ZNF135: variants seen among roughly 807,000 people sequenced by gnomAD.
The protein encoded by ZNF135 is zinc finger protein 135 (clone pHZ-17).
In ZNF135, 11 loss-of-function variants were observed where a neutral mutation model predicts 12.3. The observed-to-expected ratio is 0.89, with a 90% CI of 0.56 to 1.48. ZNF135 has a LOEUF of 1.48. ZNF135 is among the 40% of genes most tolerant of loss of function. The probability of loss-of-function intolerance (pLI) is 0.00; values close to 1 mark genes in which losing one functional copy is unlikely to be tolerated. For missense variants in ZNF135, 722 were observed against 815.7 expected (o/e 0.89, Z 1.40); for synonymous variants, 316 against 312.0 (o/e 1.01, Z -0.14).
chr19:58,066,354 TG>T (rs1407896934), intron 4 of ZNF135, among the ~76,000 whole-genome samples: 1 of 152,190 alleles, frequency 6.6e-6, no homozygotes, highest in Non-Finnish European at 1.5e-5. Flanking sequence ...AGCTGGAGCC[TG>T]GGTGCCACAC....
intron 4 of ZNF135, among the ~76,000 whole-genome samples, chr19:58,064,717 A>AC (rs1398171001): frequency 2.0e-5 from 1 of 49,224 alleles, no homozygotes; most frequent in African/African-American, 6.9e-5. Context: ...CCGTCTCTAC[A>AC]AAAAAAAAAT....
At position 58,066,580 on chromosome 19, in the gene ZNF135, C is replaced by T. The variant is rs564363579; in HGVS notation, c.257-161C>T. ...TCCTTATTCTGTGTTTCCCTCTCTTCCTTTCCTGGTTTGCAAAACTATATT... is the reference window on the plus strand; with the variant it reads ...TCCTTATTCTGTGTTTCCCTCTCTTTCTTTCCTGGTTTGCAAAACTATATT... On this transcript the variant is annotated intron_variant, in intron 4 of 4. Transcript: ENST00000313434. 100 of 898,974 alleles carry T rather than the reference C, an allele frequency of 1.1e-4. 1 individual carries two copies. The South Asian group carries it at 1.8e-3, about 16-fold the overall frequency. The allele number at this position is 898,974 out of a possible 1,614,324, so 55.7% of individuals were successfully genotyped here.
chr19:58,064,296 GCTC>G (rs1015523598), intron 4 of ZNF135, among the ~76,000 whole-genome samples: 3 of 152,028 alleles, frequency 2.0e-5, no homozygotes, highest in African/African-American at 7.2e-5. Flanking sequence ...GCTTCCTATT[GCTC>G]CTCCTGCAAC....
rs771815130 is a variant in ZNF135 at position 58,067,041 on chromosome 19, GC to G, written c.562del (p.His188ThrfsTer14). On this transcript the variant is annotated frameshift_variant, in exon 5 of 5. Coordinates refer to ENST00000313434, the MANE Select transcript of ZNF135 (RefSeq NM_001289401.2). LOFTEE classifies it low-confidence loss of function (END_TRUNC). ...CAACCAATGACTCCTGAAAGACAAA[GC>G]CCCCACACATGGGGAACACGTGGAA... ...PHQPMTPERQ[S>X]PHTWGTRGKR... The G allele has an allele frequency of 1.3e-5, 21 of 1,614,048 alleles. No homozygotes were observed. The South Asian group carries it at 2.2e-4, about 17-fold the overall frequency.
Position 58,063,480 on chromosome 19 carries a change from G to A in ZNF135, c.195G>A (p.Leu65=), listed in dbSNP as rs748538471. 1.2e-6 allele frequency: 2 copies of A among 1,614,162 alleles called. No individual in the cohort carries two copies. Among genetic ancestry groups the A allele is most frequent in the Non-Finnish European group, 1.7e-6 (2 of 1,180,004 alleles). ...TACCGAAGCCGAATGTCATCTCCCT[G>A]CTGGAGCAAGAGGCAGAGCTGTGGG... ...HWLPKPNVIS[L]LEQEAELWAV... is the part of the protein sequence containing the mutation. The change falls in exon 4 of 5, where the codon CTG becomes CTA. Residue 65 remains leucine (L), a synonymous_variant. Coordinates refer to ENST00000313434, the MANE Select transcript of ZNF135 (RefSeq NM_001289401.2). The surrounding 1 kb of genome is among the most constrained non-coding windows in gnomAD (Gnocchi z 4.4).
In ZNF135 at chr19:58,066,046, G is replaced by A. The variant is rs60715706; in HGVS notation, c.257-695G>A. ...CATGTATATTGAGCTCTTGCTGTGG[G>A]CTATAGATACAGTGGTAAGCAAGGT... is the stretch of plus-strand genomic sequence containing the variant. On this transcript the variant is annotated intron_variant, in intron 4 of 4. Coordinates refer to ENST00000313434, the MANE Select transcript of ZNF135 (RefSeq NM_001289401.2). Among the ~76,000 whole-genome samples the A allele has an allele frequency of 5.2e-3, 793 of 152,268 alleles. 10 individuals are homozygous for A. The highest frequency in any genetic ancestry group is 0.016 in the African/African-American group (665 of 41,542).
At chr19:58,062,471 C>T (rs1355035922) in intron 3 of ZNF135, among the ~76,000 whole-genome samples, 6 of 152,158 alleles carry the variant, frequency 3.9e-5, no homozygotes, top group East Asian at 1.9e-4. Flanking sequence ...CAAGCTCTGC[C>T]TCCCGGGTTC....
chr19:58,061,737 TC>T (rs2073986430), intron 3 of ZNF135, 31 bp downstream of exon 3: 44 of 1,589,948 alleles, frequency 2.8e-5, no homozygotes, highest in Non-Finnish European at 3.7e-5. Flanking sequence ...TATCTGTTGA[TC>T]TGTCCCTGAC....
At position 58,059,346 on chromosome 19, in the gene ZNF135, A is replaced by AGGCCAGGCCG. The variant is rs146738840; in HGVS notation, c.-35+40_-35+41insAGGCCGGGCC. The AGGCCAGGCCG allele has an allele frequency of 2.5e-5, 19 of 745,308 alleles. No homozygotes were observed. Among genetic ancestry groups the AGGCCAGGCCG allele is most frequent in the Admixed American group, 1.2e-4 (3 of 25,048 alleles). The allele number at this position is 745,308 out of a possible 1,614,324, so 46.2% of individuals were successfully genotyped here. A position where few individuals can be genotyped will look rare whatever the true frequency, so the allele number is the denominator to read the frequency against. The stretch of plus-strand genomic sequence containing the variant: ...CCGGCGAGGAGGGGGAGGGGAGGCC[A>AGGCCAGGCCG]GGCCGGGCCGGGCCGGGCCGGGTGC... On this transcript the variant is annotated intron_variant, in intron 1 of 4. Transcript: ENST00000313434. The surrounding 1 kb of genome is among the most constrained non-coding windows in gnomAD (Gnocchi z 6.5).
rs2073935466 is a variant in ZNF135 at position 58,059,761 on chromosome 19, C to G, written c.-34-208C>G. On this transcript the variant is annotated intron_variant, in intron 1 of 4. Coordinates refer to ENST00000313434, the MANE Select transcript of ZNF135 (RefSeq NM_001289401.2). This position sits in a 1 kb window ranked among gnomAD's most constrained non-coding sequence, Gnocchi z 6.5. Reference sequence around the variant, plus strand: ...CAGATATGTGTCCGCACCCGCCAGGCCTTCAGCTTCCCTCAGACAGGCGGG... The same window carrying G: ...CAGATATGTGTCCGCACCCGCCAGGGCTTCAGCTTCCCTCAGACAGGCGGG... The G allele has an allele frequency of 1.6e-6, 1 of 616,714 alleles. No individual in the cohort carries two copies. Among genetic ancestry groups the G allele is most frequent in the Non-Finnish European group, 2.8e-6 (1 of 359,264 alleles). The allele number at this position is 616,714 out of a possible 1,614,324, so 38.2% of individuals were successfully genotyped here.
At position 58,059,346 on chromosome 19, in the gene ZNF135, A is replaced by AGGTCG. The variant is rs72265616; in HGVS notation, c.-35+38_-35+39insTCGGG. 2.7e-6 allele frequency: 2 copies of AGGTCG among 744,990 alleles called. No individual in the cohort carries two copies. The highest frequency in any genetic ancestry group is 1.8e-6 in the Non-Finnish European group (1 of 547,500). The allele number at this position is 744,990 out of a possible 1,614,324, so 46.1% of individuals were successfully genotyped here. ...CCGGCGAGGAGGGGGAGGGGAGGCC[A>AGGTCG]GGCCGGGCCGGGCCGGGCCGGGTGC... On this transcript the variant is annotated intron_variant, in intron 1 of 4. Transcript: ENST00000313434. The surrounding 1 kb of genome is among the most constrained non-coding windows in gnomAD (Gnocchi z 6.5).
chr19:58,063,996 C>G lies in ZNF135; in HGVS notation c.256+455C>G, dbSNP rs550014839. 6.6e-6 allele frequency among the ~76,000 whole-genome samples: 1 copy of G among 152,184 alleles called. No homozygotes were observed. Among genetic ancestry groups the G allele is most frequent in the Non-Finnish European group, 1.5e-5 (1 of 68,028 alleles). On this transcript the variant is annotated intron_variant, in intron 4 of 4. Coordinates refer to ENST00000313434, the MANE Select transcript of ZNF135 (RefSeq NM_001289401.2). This position sits in a 1 kb window ranked among gnomAD's most constrained non-coding sequence, Gnocchi z 4.4. ...GCAGGTGCAAAGGCCTGAAGTCATG[C>G]ATCAGTCAGCTTTTGTGTAGGAAAA...
rs751551186 is a variant in ZNF135 at position 58,067,974 on chromosome 19, A to G, written c.1490A>G (p.Asn497Ser). 111 of 1,612,566 alleles carry G rather than the reference A, an allele frequency of 6.9e-5. 3 individuals are homozygous for G. The South Asian group carries it at 1.1e-3, about 16-fold the overall frequency. ...ACAGGGGAGAAGCCCTATGAATGCA[A>G]TGACTGCGGCAAGGCATTCAGTCAC... ...IHTGEKPYEC[N>S]DCGKAFSHSS... The change falls in exon 5 of 5, where the codon AAT becomes AGT. Residue 497 changes from asparagine to serine, a missense_variant. Asn to Ser is a conservative substitution (Grantham distance 46, BLOSUM62 1). Transcript: ENST00000313434.
rs201605477 is a variant in ZNF135, at chr19:58,061,664, C to G, written c.118C>G (p.Arg40Gly). Reference sequence around the variant, plus strand: ...GAAGCCTGCCCAGAGGACCCTGTACCGTGATGTAATGCTGGACACCTTCAG... The same window carrying G: ...GAAGCCTGCCCAGAGGACCCTGTACGGTGATGTAATGCTGGACACCTTCAG... ...QLKPAQRTLYRDVMLDTFRLL... is the reference protein window; with the variant it reads ...QLKPAQRTLYGDVMLDTFRLL... The change falls in exon 3 of 5, where the codon CGT (arginine) becomes GGT (glycine). Residue 40 changes from arginine to glycine, a missense_variant. Arg to Gly is a moderately radical substitution (Grantham distance 125). Coordinates refer to ENST00000313434, the MANE Select transcript of ZNF135 (RefSeq NM_001289401.2). 3.5e-5 allele frequency: 56 copies of G among 1,612,994 alleles called. No individual in the cohort carries two copies. The highest frequency in any genetic ancestry group is 4.7e-5 in the Non-Finnish European group (55 of 1,179,608).
rs1317247888 is a variant in ZNF135 at position 58,061,620 on chromosome 19, A to T, written c.74A>T (p.Gln25Leu). ...TFEDVVVGFS[Q>L]EEWGQLKPAQ... is the part of the protein sequence containing the mutation. ...GAGGACGTGGTAGTGGGCTTCAGCC[A>T]GGAGGAGTGGGGGCAGCTGAAGCCT... The change falls in exon 3 of 5, where the codon CAG becomes CTG. Residue 25 changes from glutamine to leucine, a missense_variant. Physicochemically the swap from Gln to Leu is moderately radical, Grantham distance 113. Coordinates refer to ENST00000313434, the MANE Select transcript of ZNF135 (RefSeq NM_001289401.2). The T allele has an allele frequency of 3.1e-6, 5 of 1,613,576 alleles. No homozygotes were observed. Among genetic ancestry groups the T allele is most frequent in the Admixed American group, 1.7e-5 (1 of 59,938 alleles).
Position 58,065,181 on chromosome 19 carries a change from CTATT to C in ZNF135, c.257-1558_257-1555del, listed in dbSNP as rs987525992. Reference sequence around the variant, plus strand: ...TGGAGGCTCTAGGGAAGGGAAGAATCTATTTCTTTCTCTCCTTTTTGTTTTTTTA... The same window carrying C: ...TGGAGGCTCTAGGGAAGGGAAGAATCTCTTTCTCTCCTTTTTGTTTTTTTA... On this transcript the variant is annotated intron_variant, in intron 4 of 4. Transcript: ENST00000313434. This position sits in a 1 kb window ranked among gnomAD's most constrained non-coding sequence, Gnocchi z 4.0. 6.6e-6 allele frequency among the ~76,000 whole-genome samples: 1 copy of C among 151,978 alleles called. No individual in the cohort carries two copies. The highest frequency in any genetic ancestry group is 1.5e-5 in the Non-Finnish European group (1 of 67,996).
chr19:58,059,709 T>C lies in ZNF135; in HGVS notation c.-34-260T>C. 1.8e-6 allele frequency: 1 copy of C among 547,624 alleles called. No individual in the cohort carries two copies. The highest frequency in any genetic ancestry group is 3.4e-5 in the Admixed American group (1 of 29,646). The allele number at this position is 547,624 out of a possible 1,614,324, so 33.9% of individuals were successfully genotyped here. A position where few individuals can be genotyped will look rare whatever the true frequency, so the allele number is the denominator to read the frequency against. On this transcript the variant is annotated intron_variant, in intron 1 of 4. Coordinates refer to ENST00000313434, the MANE Select transcript of ZNF135 (RefSeq NM_001289401.2). The surrounding 1 kb of genome is among the most constrained non-coding windows in gnomAD (Gnocchi z 6.5). The stretch of plus-strand genomic sequence containing the variant: ...CGCAACCACCCGGCCCTTGTCACTG[T>C]AGCGTTAAGGCTCAGAGTCTGCGCA...
Position 58,059,360 on chromosome 19 carries a change from C to CG in ZNF135, c.-35+53dup. ...GAGGGGAGGCCAGGCCGGGCCGGGCCGGGCCGGGTGCGGGGGGTCCGGGGA... is the reference window on the plus strand; with the variant it reads ...GAGGGGAGGCCAGGCCGGGCCGGGCCGGGGCCGGGTGCGGGGGGTCCGGGGA... On this transcript the variant is annotated intron_variant, in intron 1 of 4. Coordinates refer to ENST00000313434, the MANE Select transcript of ZNF135 (RefSeq NM_001289401.2). This position sits in a 1 kb window ranked among gnomAD's most constrained non-coding sequence, Gnocchi z 6.5. The CG allele has an allele frequency of 5.7e-6, 4 of 702,776 alleles. No homozygotes were observed. Among genetic ancestry groups the CG allele is most frequent in the Non-Finnish European group, 7.7e-6 (4 of 518,884 alleles). The allele number at this position is 702,776 out of a possible 1,614,324, so 43.5% of individuals were successfully genotyped here.
chr19:58,060,070 C>T lies in ZNF135; in HGVS notation c.33+35C>T, dbSNP rs376709477. ...TCGGCCTCCTTGCGCGTGTCCTCCACCTCGTGCCCGGCCTCCTCGCGCGCG... is the reference window on the plus strand; with the variant it reads ...TCGGCCTCCTTGCGCGTGTCCTCCATCTCGTGCCCGGCCTCCTCGCGCGCG... On this transcript the variant is annotated intron_variant, in intron 2 of 4. Coordinates refer to ENST00000313434, the MANE Select transcript of ZNF135 (RefSeq NM_001289401.2). The surrounding 1 kb of genome is among the most constrained non-coding windows in gnomAD (Gnocchi z 4.9). 6.8e-6 allele frequency: 11 copies of T among 1,612,178 alleles called. No homozygotes were observed. Among genetic ancestry groups the T allele is most frequent in the Non-Finnish European group, 8.5e-6 (10 of 1,179,706 alleles).
Sources: gnomAD v4.1 joint callset for allele counts (sites outside exome capture counted in the v4.1 genomes callset) on GRCh38, gnomAD v4.1.1 for gene constraint, Gnocchi (gnomAD v3.1) non-coding constraint, MANE v1.5 for transcripts, NCBI Gene and HGNC (gene_info 2026-07-23, HGNC 2026-07-21) for gene names.